The following MOB1B variants were observed in gnomAD, a reference collection of about 807,000 sequenced individuals.
The protein encoded by MOB1B is MOB1 Mps One Binder homolog B.
In MOB1B, 19 loss-of-function variants were observed where a neutral mutation model predicts 24.4. That is an observed-to-expected ratio of 0.78 (90% CI 0.54 to 1.14). MOB1B has a LOEUF of 1.14. Among genes scored for constraint, MOB1B ranks in the 50% most tolerant of loss-of-function variants. MOB1B has a pLI of 0.00. For synonymous variants in MOB1B, 76 were observed against 82.1 expected, an observed-to-expected ratio of 0.93 and a Z score of 0.40; for missense variants, 243 against 259.6, an observed-to-expected ratio of 0.94 and a Z score of 0.44.
intron 3 of MOB1B, among the ~76,000 whole-genome samples, chr4:70,973,303 G>A (rs568070821): frequency 7.9e-5 from 12 of 151,742 alleles, no homozygotes; most frequent in East Asian, 3.9e-4. Flanking sequence ...GGTTGTGCCC[G>A]TCTCTTAAGA....
chr4:70,902,221 C>A (rs532907913), upstream of MOB1B: 10 of 531,176 alleles, frequency 1.9e-5, no homozygotes, highest in African/African-American at 4.0e-5. Context: ...CCGGGGTGGG[C>A]TTGCACCGCT....
At position 70,916,439 on chromosome 4, in the gene MOB1B, AG is replaced by A. The variant is rs370755234; in HGVS notation, c.14+13892del. Among the ~76,000 whole-genome samples the A allele has an allele frequency of 4.6e-3, 696 of 152,346 alleles. 9 individuals carry two copies. Among genetic ancestry groups the A allele is most frequent in the African/African-American group, 0.016 (667 of 41,584 alleles). On this transcript the variant is annotated intron_variant, in intron 1 of 5. Coordinates refer to ENST00000309395, the MANE Select transcript of MOB1B (RefSeq NM_173468.4). ...GAGACTATTATTATGACTATTTGGG[AG>A]GGTAATACCAAGAGTTGCTTACCCA...
intron 1 of MOB1B, among the ~76,000 whole-genome samples, chr4:70,951,848 T>G (rs1413570412): frequency 1.3e-5 from 2 of 152,186 alleles, no homozygotes; most frequent in Non-Finnish European, 2.9e-5. Flanking sequence ...GCCTGGGCAA[T>G]AGAGCAAGAC....
In MOB1B at chr4:70,919,646, G is replaced by A. The variant is rs577922957; in HGVS notation, c.14+17096G>A. On this transcript the variant is annotated intron_variant, in intron 1 of 5. Coordinates refer to ENST00000309395, the MANE Select transcript of MOB1B (RefSeq NM_173468.4). ...CCCAGGTAGCCAGGACTACAGGCGC[G>A]CACCACCATGCCAGGCTAATTTTTG... Among the ~76,000 whole-genome samples the A allele has an allele frequency of 9.6e-4, 146 of 152,162 alleles. 1 individual carries two copies. The highest frequency in any genetic ancestry group is 3.4e-3 in the African/African-American group (141 of 41,510).
Position 70,945,546 on chromosome 4 carries a change from C to G in MOB1B, c.15-13328C>G, listed in dbSNP as rs543455806. Among the ~76,000 whole-genome samples, 12 of 152,276 alleles carry G rather than the reference C, an allele frequency of 7.9e-5. No individual in the cohort carries two copies. In the East Asian group the frequency reaches 2.1e-3, roughly 27 times the overall value. On this transcript the variant is annotated intron_variant, in intron 1 of 5. Transcript: ENST00000309395. The stretch of plus-strand genomic sequence containing the variant: ...TCATGATTAGGCCTATTTGTATAAG[C>G]TGAAGATATAAATTTTGACAAATGT...
chr4:70,908,902 G>GCC (rs952682315), intron 1 of MOB1B, among the ~76,000 whole-genome samples: 1 of 149,242 alleles, frequency 6.7e-6, no homozygotes, highest in African/African-American at 2.5e-5. Flanking sequence ...ATAGAAAAAA[G>GCC]TAGCTGGGCG....
chr4:70,944,768 A>C (rs1186069280), intron 1 of MOB1B, among the ~76,000 whole-genome samples: 1 of 152,046 alleles, frequency 6.6e-6, no homozygotes. Context: ...AGTAGAGAGG[A>C]GAGAGAGAAA....
intron 2 of MOB1B, among the ~76,000 whole-genome samples, chr4:70,968,646 G>A (rs1738635882): frequency 6.6e-6 from 1 of 152,042 alleles, no homozygotes; most frequent in South Asian, 2.1e-4. Flanking sequence ...ACAAGGTCTC[G>A]TTCTTTGGCT....
intron 1 of MOB1B, among the ~76,000 whole-genome samples, chr4:70,927,705 C>T (rs1736709223): frequency 6.6e-6 from 1 of 152,130 alleles, no homozygotes; most frequent in Non-Finnish European, 1.5e-5. Flanking sequence ...GGCATTGCTG[C>T]CACTGCTGTT....
chr4:70,923,776 C>T (rs1428470550), intron 1 of MOB1B, among the ~76,000 whole-genome samples: 2 of 151,492 alleles, frequency 1.3e-5, no homozygotes, highest in African/African-American at 2.4e-5. Context: ...GATGAAACCC[C>T]CTCTCTACTA....
At chr4:70,980,770 G>A (rs1739179625) in intron 5 of MOB1B, among the ~76,000 whole-genome samples, 1 of 152,024 alleles carries the variant, frequency 6.6e-6, no homozygotes, top group Non-Finnish European at 1.5e-5. Flanking sequence ...TCTTTTTCTG[G>A]GCTCCATTCT....
At chr4:70,902,604 C>T in intron 1 of MOB1B, 54 bp downstream of exon 1, 2 of 1,418,240 alleles carry the variant, frequency 1.4e-6, no homozygotes, top group East Asian at 2.6e-5. Flanking sequence ...CCTGGGCCCC[C>T]GCCCGCCGCC....
At chr4:70,968,700 G>A (rs1010226221) in intron 2 of MOB1B, among the ~76,000 whole-genome samples, 2 of 152,070 alleles carry the variant, frequency 1.3e-5, no homozygotes, top group Middle Eastern at 3.2e-3. Flanking sequence ...TTATAGCCTC[G>A]AACTCCTGGG....
At chr4:70,907,210 A>C (rs563728600) in intron 1 of MOB1B, among the ~76,000 whole-genome samples, 4 of 152,176 alleles carry the variant, frequency 2.6e-5, no homozygotes, top group Non-Finnish European at 5.9e-5. Context: ...AAAATCACCA[A>C]CTTGAGGTTG....
intron 4 of MOB1B, among the ~76,000 whole-genome samples, 199 bp from the exon 5 acceptor site, chr4:70,978,929 T>A (rs753583208): frequency 6.6e-6 from 1 of 152,220 alleles, no homozygotes; most frequent in East Asian, 1.9e-4. Context: ...CTAATTCTTA[T>A]ACCATAAAAA....
rs1053711742 is a variant in MOB1B, at chr4:70,952,114, C to G, written c.15-6760C>G. Among the ~76,000 whole-genome samples, 3 of 152,236 alleles carry G rather than the reference C, an allele frequency of 2.0e-5. No homozygotes were observed. In the East Asian group the frequency reaches 5.8e-4, roughly 29 times the overall value. Reference sequence around the variant, plus strand: ...TCTAGGAATTTAACCTTCATACATGCGTACACACAAGGATGCTTACTGCAG... The same window carrying G: ...TCTAGGAATTTAACCTTCATACATGGGTACACACAAGGATGCTTACTGCAG... On this transcript the variant is annotated intron_variant, in intron 1 of 5. Transcript: ENST00000309395.
intron 1 of MOB1B, among the ~76,000 whole-genome samples, chr4:70,929,016 T>C (rs1282546058): frequency 3.9e-5 from 6 of 152,098 alleles, no homozygotes; most frequent in African/African-American, 1.4e-4. Context: ...GGAATGAGAG[T>C]GCTCATTTCC....
intron 1 of MOB1B, among the ~76,000 whole-genome samples, chr4:70,956,094 A>G (rs1032959455): frequency 6.6e-6 from 1 of 151,968 alleles, no homozygotes; most frequent in Non-Finnish European, 1.5e-5. Context: ...TGTTTATTAC[A>G]TTGTCTCATT....
At chr4:70,927,364 C>T (rs944124574) in intron 1 of MOB1B, among the ~76,000 whole-genome samples, 2 of 151,866 alleles carry the variant, frequency 1.3e-5, no homozygotes, top group African/African-American at 2.4e-5. Flanking sequence ...CATGATGAAA[C>T]CCCCGTCTCT....
Sources: allele counts gnomAD v4.1 joint callset (sites outside exome capture counted in the v4.1 genomes callset), GRCh38; gene constraint gnomAD v4.1.1; transcripts MANE v1.5; gene names NCBI Gene and HGNC (gene_info 2026-07-23, HGNC 2026-07-21).